Variants in PTPRD observed in about 807,000 individuals in gnomAD.
PTPRD encodes the protein protein tyrosine phosphatase receptor type D, also known as receptor-type tyrosine-protein phosphatase delta.
A neutral mutation model predicts 214.5 loss-of-function variants in PTPRD; 34 were observed. The observed-to-expected ratio is 0.16, with a 90% CI of 0.12 to 0.21. The LOEUF is 0.21. Ranked by LOEUF, PTPRD falls within the 10% of genes least tolerant of loss-of-function variation. PTPRD has a pLI of 1.00. For missense variants in PTPRD, 2,545 were observed against 2,398.7 expected (o/e 1.06, Z -1.27); for synonymous variants, 1,128 against 845.7 (o/e 1.33, Z -5.79).
chr9:8,931,894 A>G (rs1488044663), intron 11 of PTPRD, among the ~76,000 whole-genome samples: 1 of 151,886 alleles, frequency 6.6e-6, no homozygotes, highest in Non-Finnish European at 1.5e-5. Flanking sequence ...TAGCCTTGAG[A>G]GGTTGTATGT....
intron 3 of PTPRD, among the ~76,000 whole-genome samples, chr9:10,317,213 T>TG (rs1565250687): frequency 6.6e-6 from 1 of 151,918 alleles, no homozygotes; most frequent in Non-Finnish European, 1.5e-5. Flanking sequence ...AAAATATAAT[T>TG]GGGGGCTAGT....
At position 8,347,519 on chromosome 9, in the gene PTPRD, G is replaced by A. The variant is rs375303558; in HGVS notation, c.4662-5541C>T. On this transcript the variant is annotated intron_variant, in intron 39 of 45. Transcript: ENST00000381196. ...CATCTAATTACAAATCTCAAGCGGC[G>A]CTGTGAGGCAAATGTGAAGGATGCT... Among the ~76,000 whole-genome samples, 58 of 152,240 alleles carry A rather than the reference G, an allele frequency of 3.8e-4. No homozygotes were observed. The South Asian group carries it at 1.0e-2, about 26-fold the overall frequency.
chr9:8,520,851 C>T (rs1592650268), intron 20 of PTPRD, among the ~76,000 whole-genome samples: 2 of 151,588 alleles, frequency 1.3e-5, no homozygotes, highest in African/African-American at 2.4e-5. Context: ...TTGATTTCAA[C>T]TTTTTTTTTC....
intron 3 of PTPRD, among the ~76,000 whole-genome samples, chr9:10,338,651 A>G (rs1376109689): frequency 1.3e-5 from 2 of 151,788 alleles, no homozygotes; most frequent in Non-Finnish European, 2.9e-5. Context: ...TATATATAGA[A>G]TTTACTTGAA....
chr9:8,458,246 A>AT (rs1402031460), intron 33 of PTPRD, among the ~76,000 whole-genome samples: 1 of 152,124 alleles, frequency 6.6e-6, no homozygotes, highest in Non-Finnish European at 1.5e-5. Flanking sequence ...AAGTGAGTTG[A>AT]TTTTTTAAGC....
At chr9:9,940,595 T>C (rs2091183792) in intron 4 of PTPRD, among the ~76,000 whole-genome samples, 1 of 152,124 alleles carries the variant, frequency 6.6e-6, no homozygotes, top group South Asian at 2.1e-4. Context: ...TTCTTCTGAG[T>C]TTTGTTAAAT....
intron 5 of PTPRD, among the ~76,000 whole-genome samples, chr9:9,853,981 A>T (rs1337018394): frequency 1.3e-5 from 2 of 152,150 alleles, no homozygotes; most frequent in East Asian, 3.9e-4. Flanking sequence ...CACCTTAAAC[A>T]TTTATCATTT....
At chr9:10,316,657 G>C (rs953474662) in intron 3 of PTPRD, among the ~76,000 whole-genome samples, 9 of 151,994 alleles carry the variant, frequency 5.9e-5, no homozygotes, top group African/African-American at 2.2e-4. Flanking sequence ...TGTTAAATTA[G>C]AAGATTTTTA....
chr9:9,540,452 T>C (rs2077351829), intron 8 of PTPRD, among the ~76,000 whole-genome samples: 1 of 151,688 alleles, frequency 6.6e-6, no homozygotes. Flanking sequence ...TGTACAGTAA[T>C]GAAGTCTATG....
chr9:9,038,404 C>T (rs529973412), intron 10 of PTPRD, among the ~76,000 whole-genome samples: 1 of 152,124 alleles, frequency 6.6e-6, no homozygotes. Context: ...TTCTAAACAC[C>T]CCCACATAGA....
chr9:9,196,694 G>T (rs900010673), intron 9 of PTPRD, among the ~76,000 whole-genome samples: 10 of 152,094 alleles, frequency 6.6e-5, no homozygotes, highest in African/African-American at 2.4e-4. Context: ...AAAACATCTA[G>T]CATATTTCCT....
intron 9 of PTPRD, among the ~76,000 whole-genome samples, chr9:9,327,983 C>T (rs945357300): frequency 1.3e-5 from 2 of 151,916 alleles, no homozygotes; most frequent in Non-Finnish European, 2.9e-5. Context: ...GCATTCAAAG[C>T]CGTCCTGGGC....
Position 9,071,803 on chromosome 9 carries a change from G to C in PTPRD, c.-142-53068C>G, listed in dbSNP as rs140957972. 4.4e-3 allele frequency among the ~76,000 whole-genome samples: 668 copies of C among 152,258 alleles called. 6 individuals carry two copies. Among genetic ancestry groups the C allele is most frequent in the African/African-American group, 0.015 (639 of 41,538 alleles). On this transcript the variant is annotated intron_variant, in intron 10 of 45. Coordinates refer to ENST00000381196, the MANE Select transcript of PTPRD (RefSeq NM_002839.4). Reference sequence around the variant, plus strand: ...TCATAAAAACTGGGAGAAAACAAGTGTGTGTTATTTTAAGCTGCTAATTTT... The same window carrying C: ...TCATAAAAACTGGGAGAAAACAAGTCTGTGTTATTTTAAGCTGCTAATTTT...
intron 12 of PTPRD, among the ~76,000 whole-genome samples, chr9:8,731,011 C>T (rs916773676): frequency 6.6e-6 from 1 of 152,174 alleles, no homozygotes; most frequent in Non-Finnish European, 1.5e-5. Flanking sequence ...ATATACAAGG[C>T]ATTTTAAACT....
intron 10 of PTPRD, among the ~76,000 whole-genome samples, chr9:9,030,517 C>G (rs375118): frequency 0.065 from 9,897 of 151,658 alleles, 443 homozygotes; most frequent in Non-Finnish European, 0.1. Context: ...CATCTGGCTG[C>G]CTCTCTAGGA....
At chr9:10,573,953 A>T (rs2068298782) in intron 2 of PTPRD, among the ~76,000 whole-genome samples, 1 of 152,152 alleles carries the variant, frequency 6.6e-6, no homozygotes, top group Non-Finnish European at 1.5e-5. Context: ...TAAAATAAAT[A>T]AATTAATAAA....
At chr9:10,231,905 T>C (rs1235407763) in intron 3 of PTPRD, among the ~76,000 whole-genome samples, 1 of 150,300 alleles carries the variant, frequency 6.7e-6, no homozygotes, top group African/African-American at 2.5e-5. Flanking sequence ...CTCTTGGTAG[T>C]GAATTATCTT....
At chr9:10,440,762 C>G in intron 2 of PTPRD, among the ~76,000 whole-genome samples, 1 of 151,634 alleles carries the variant, frequency 6.6e-6, no homozygotes, top group Admixed American at 6.6e-5. Context: ...GGCAGTTTCT[C>G]AAATTAAAAC....
chr9:8,491,194 T>G (rs1347445317), intron 27 of PTPRD, among the ~76,000 whole-genome samples: 2 of 152,204 alleles, frequency 1.3e-5, no homozygotes, highest in African/African-American at 2.4e-5. Flanking sequence ...ATTTTCTATC[T>G]CAATACCGAA....
Sources: allele counts gnomAD v4.1 joint callset (sites outside exome capture counted in the v4.1 genomes callset), GRCh38; gene constraint gnomAD v4.1.1; transcripts MANE v1.5; gene names NCBI Gene and HGNC (gene_info 2026-07-23, HGNC 2026-07-21).